DIS3L2: variants seen among roughly 807,000 people sequenced by gnomAD.
The protein encoded by DIS3L2 is DIS3-like exonuclease 2.
DIS3L2 carries 34 observed loss-of-function variants against 97.5 expected under a neutral mutation model. That is an observed-to-expected ratio of 0.35 (90% CI 0.27 to 0.46). The LOEUF is 0.46. Among genes scored for constraint, DIS3L2 ranks in the 20% least tolerant of loss-of-function variants. The pLI is 1.00. For missense variants in DIS3L2, 1,038 were observed against 1,146.0 expected (o/e 0.91, Z 1.36); for synonymous variants, 435 against 445.2 (o/e 0.98, Z 0.29).
chr2:232,085,612 A>G (rs562756989), intron 5 of DIS3L2, among the ~76,000 whole-genome samples: 7 of 152,340 alleles, frequency 4.6e-5, no homozygotes, highest in African/African-American at 1.7e-4. Context: ...GCAGTATTCA[A>G]GTAACATCCA....
At chr2:232,079,311 A>G (rs1442900075) in intron 5 of DIS3L2, among the ~76,000 whole-genome samples, 1 of 152,038 alleles carries the variant, frequency 6.6e-6, no homozygotes, top group Non-Finnish European at 1.5e-5. Context: ...ATAAAGCTGG[A>G]TAAGGCCAGG....
chr2:231,974,403 T>G (rs930583371), intron 1 of DIS3L2, among the ~76,000 whole-genome samples: 2 of 152,132 alleles, frequency 1.3e-5, no homozygotes, highest in Non-Finnish European at 2.9e-5. Context: ...CCTTCTTTGT[T>G]TCATTTTGGA....
chr2:232,220,414 A>G (rs929403105), intron 10 of DIS3L2, among the ~76,000 whole-genome samples: 2 of 152,114 alleles, frequency 1.3e-5, no homozygotes, highest in Admixed American at 1.3e-4. Context: ...GTTGGGAGAA[A>G]TAGAAATTTG....
chr2:232,139,911 C>T (rs960933048), intron 8 of DIS3L2, among the ~76,000 whole-genome samples: 1 of 152,074 alleles, frequency 6.6e-6, no homozygotes, highest in Non-Finnish European at 1.5e-5. Flanking sequence ...TAAATTCTCC[C>T]AGATGCGATG....
intron 1 of DIS3L2, among the ~76,000 whole-genome samples, chr2:231,964,038 C>A (rs1323532576): frequency 6.6e-6 from 1 of 152,160 alleles, no homozygotes; most frequent in East Asian, 1.9e-4. Context: ...GCATTTAAAT[C>A]TTTAACCCAT....
At chr2:232,082,221 A>G (rs1304930209) in intron 5 of DIS3L2, among the ~76,000 whole-genome samples, 1 of 152,224 alleles carries the variant, frequency 6.6e-6, no homozygotes, top group Non-Finnish European at 1.5e-5. Context: ...TAGGATAATA[A>G]CATAGAATAA....
intron 8 of DIS3L2, among the ~76,000 whole-genome samples, chr2:232,159,955 T>C (rs896117885): frequency 1.3e-5 from 2 of 152,238 alleles, no homozygotes; most frequent in Non-Finnish European, 2.9e-5. Context: ...TATTTGGTCA[T>C]GATGTATCAC....
intron 14 of DIS3L2, among the ~76,000 whole-genome samples, chr2:232,320,474 G>A (rs184019318): frequency 3.7e-3 from 565 of 152,316 alleles, no homozygotes; most frequent in Non-Finnish European, 4.0e-3. Context: ...CCTGTCACCT[G>A]TGTTGGATTT....
intron 8 of DIS3L2, among the ~76,000 whole-genome samples, chr2:232,153,835 G>A (rs1239005309): frequency 1.3e-5 from 2 of 152,058 alleles, no homozygotes. Flanking sequence ...CTTTCAGAGT[G>A]ACACCAATGA....
At chr2:232,198,827 G>C (rs1228020409) in intron 9 of DIS3L2, 1 of 152,192 alleles carries the variant, frequency 6.6e-6, no homozygotes, top group African/African-American at 2.4e-5. Context: ...TTCTTCCCCA[G>C]ATAGCCCACG....
intron 16 of DIS3L2, 34 bp downstream of exon 16, chr2:232,330,810 C>G: frequency 6.3e-7 from 1 of 1,594,454 alleles, no homozygotes; most frequent in Non-Finnish European, 8.5e-7. Context: ...TCCCCTGCTC[C>G]CAGGAGCACA....
intron 9 of DIS3L2, among the ~76,000 whole-genome samples, chr2:232,174,927 T>C (rs1389053998): frequency 6.6e-6 from 1 of 152,004 alleles, no homozygotes; most frequent in African/African-American, 2.4e-5. Context: ...AATTCCAGGC[T>C]CAAGTGATCC....
intron 1 of DIS3L2, among the ~76,000 whole-genome samples, chr2:231,964,834 T>G (rs1406199694): frequency 6.6e-6 from 1 of 152,182 alleles, no homozygotes; most frequent in Non-Finnish European, 1.5e-5. Flanking sequence ...GGTACGGATA[T>G]TAAGTGCTGT....
At chr2:232,343,575 A>G (rs1229005539) in exon 14 of DIS3L2, 6 of 1,575,558 alleles carry the variant, frequency 3.8e-6, no homozygotes, top group Non-Finnish European at 4.3e-6. Context: ...TGCAGATTTG[A>G]AGAAGCATGT....
At chr2:232,287,459 C>T (rs565538307) in intron 13 of DIS3L2, among the ~76,000 whole-genome samples, 54 of 129,348 alleles carry the variant, frequency 4.2e-4, no homozygotes, top group East Asian at 3.2e-3. Context: ...AGTGCAATGG[C>T]GTGATCATAG....
intron 5 of DIS3L2, among the ~76,000 whole-genome samples, chr2:232,051,698 G>A (rs899143992): frequency 3.4e-5 from 5 of 148,680 alleles, no homozygotes; most frequent in Non-Finnish European, 6.0e-5. Context: ...TGTAGTCCCA[G>A]CTACTTGGGA....
At chr2:232,119,517 G>A (rs77475728) in intron 6 of DIS3L2, among the ~76,000 whole-genome samples, 528 of 152,312 alleles carry the variant, frequency 3.5e-3, no homozygotes, top group African/African-American at 0.012. Flanking sequence ...AGAGATGGAA[G>A]CATATAAGTG....
At chr2:232,286,977 C>G (rs1694452037) in intron 13 of DIS3L2, among the ~76,000 whole-genome samples, 1 of 152,006 alleles carries the variant, frequency 6.6e-6, no homozygotes, top group Admixed American at 6.6e-5. Flanking sequence ...TAGAAGTGTT[C>G]ACAAGCAGAA....
chr2:232,039,550 A>G (rs1695050497), intron 5 of DIS3L2, among the ~76,000 whole-genome samples: 1 of 152,158 alleles, frequency 6.6e-6, no homozygotes, highest in Non-Finnish European at 1.5e-5. Flanking sequence ...GATTTTTGGC[A>G]AAATAGATAG....
Sources: allele counts gnomAD v4.1 joint callset (sites outside exome capture counted in the v4.1 genomes callset), GRCh38; gene constraint gnomAD v4.1.1; transcripts MANE v1.5; gene names NCBI Gene and HGNC (gene_info 2026-07-23, HGNC 2026-07-21).